CTNNAL1: variants seen among roughly 807,000 people sequenced by gnomAD.
CTNNAL1 encodes catenin alpha like 1.
CTNNAL1 carries 69 observed loss-of-function variants against 93.6 expected under a neutral mutation model. That is an observed-to-expected ratio of 0.74 (90% CI 0.61 to 0.90). CTNNAL1 has a LOEUF of 0.90. Ranked by LOEUF, CTNNAL1 falls within the 40% of genes least tolerant of loss-of-function variation. CTNNAL1 has a pLI of 0.00. For synonymous variants in CTNNAL1, 286 were observed against 305.4 expected, an observed-to-expected ratio of 0.94 and a Z score of 0.66; for missense variants, 836 against 862.0, an observed-to-expected ratio of 0.97 and a Z score of 0.38.
intron 1 of CTNNAL1, among the ~76,000 whole-genome samples, chr9:109,008,227 G>A (rs963263566): frequency 4.9e-5 from 7 of 143,060 alleles, no homozygotes; most frequent in African/African-American, 1.3e-4. Context: ...GCACAATCTC[G>A]GCTCACTGCA....
In CTNNAL1 at chr9:108,970,424, G is replaced by A. The variant is rs766103550; in HGVS notation, c.1418C>T (p.Thr473Ile). 2.5e-6 allele frequency: 4 copies of A among 1,612,278 alleles called. No homozygotes were observed. The South Asian group carries it at 4.4e-5, about 18-fold the overall frequency. Residue 473 changes from threonine (T) to isoleucine (I), a missense_variant, in exon 10 of 19, where the codon ACA (threonine) becomes ATA (isoleucine). By Grantham distance (89) the Thr-to-Ile change is moderately conservative. Coordinates refer to ENST00000325551, the MANE Select transcript of CTNNAL1 (RefSeq NM_003798.4). Reference sequence around the variant, plus strand: ...TACCTGTTGGCCAGTCACCTGAAATGTCTCCTCTGCATGTATACAGGTTAT... The same window carrying A: ...TACCTGTTGGCCAGTCACCTGAAATATCTCCTCTGCATGTATACAGGTTAT... ...LEITCIHAEE[T>I]FQVTGQQIIS... is the part of the protein sequence containing the mutation.
intron 1 of CTNNAL1, among the ~76,000 whole-genome samples, chr9:109,008,568 A>G (rs1485849031): frequency 6.6e-6 from 1 of 152,194 alleles, no homozygotes; most frequent in Non-Finnish European, 1.5e-5. Context: ...AACCATTTTC[A>G]AAATGGTTGT....
rs1161859163 is a variant in CTNNAL1 at position 108,952,279 on chromosome 9, G to A, written c.1765C>T (p.Gln589Ter). ...ADCEIEKWED[Q>*]ENEIVQYGRN... Reference sequence around the variant, plus strand: ...CCATATTGAACAATCTCATTCTCCTGATCTTCCCACTTCTCAATTTCGCAG... The same window carrying A: ...CCATATTGAACAATCTCATTCTCCTAATCTTCCCACTTCTCAATTTCGCAG... The change falls in exon 14 of 19, where the codon CAG becomes TAG. Residue 589 changes from glutamine (Q) to a stop codon, truncating the protein, a stop_gained. Coordinates refer to ENST00000325551, the MANE Select transcript of CTNNAL1 (RefSeq NM_003798.4). LOFTEE classifies it high-confidence loss of function. 6.2e-7 allele frequency: 1 copy of A among 1,614,170 alleles called. No individual in the cohort carries two copies. The highest frequency in any genetic ancestry group is 1.1e-5 in the South Asian group (1 of 91,088).
chr9:109,013,154 G>A (rs1827260578), intron 1 of CTNNAL1, 148 bp downstream of exon 1: 2 of 1,026,446 alleles, frequency 1.9e-6, no homozygotes, highest in East Asian at 3.3e-5. Flanking sequence ...CCGTCCCGGA[G>A]CCCCACACAG....
intron 4 of CTNNAL1, among the ~76,000 whole-genome samples, chr9:108,989,378 G>A (rs1347121785): frequency 1.3e-5 from 2 of 151,930 alleles, no homozygotes; most frequent in African/African-American, 4.8e-5. Context: ...AGAAAGAGAA[G>A]GAAAAGAAAG....
At chr9:109,003,199 A>C (rs1395724056) in intron 1 of CTNNAL1, among the ~76,000 whole-genome samples, 1 of 152,194 alleles carries the variant, frequency 6.6e-6, no homozygotes. Context: ...AAGCCTAAAG[A>C]TATTATTCCT....
chr9:108,954,904 T>G (rs1164994731), intron 12 of CTNNAL1, among the ~76,000 whole-genome samples: 1 of 152,216 alleles, frequency 6.6e-6, no homozygotes, highest in East Asian at 1.9e-4. Context: ...AAGTTCTCTC[T>G]TCTGATACTC....
At chr9:108,944,796 G>C (rs1205549854) in intron 15 of CTNNAL1, among the ~76,000 whole-genome samples, 1 of 152,106 alleles carries the variant, frequency 6.6e-6, no homozygotes, top group Admixed American at 6.6e-5. Flanking sequence ...ATAAATTAAA[G>C]AATACTAAGA....
chr9:108,976,684 C>A (rs1357728971), intron 8 of CTNNAL1, among the ~76,000 whole-genome samples: 1 of 152,046 alleles, frequency 6.6e-6, no homozygotes, highest in Non-Finnish European at 1.5e-5. Context: ...GTGCTAACCA[C>A]CACACCTGGC....
At chr9:108,979,180 C>T in intron 7 of CTNNAL1, 101 bp downstream of exon 7, 1 of 1,442,906 alleles carries the variant, frequency 6.9e-7, no homozygotes. Context: ...CATTCTGGAA[C>T]AAATTCATAC....
intron 11 of CTNNAL1, among the ~76,000 whole-genome samples, chr9:108,956,371 A>G (rs2132103010): frequency 6.6e-6 from 1 of 152,358 alleles, no homozygotes; most frequent in South Asian, 2.1e-4. Flanking sequence ...CATGATAACG[A>G]GGAAAGGAAG....
At chr9:108,980,438 T>C (rs1039708937) in intron 6 of CTNNAL1, among the ~76,000 whole-genome samples, 40 of 152,234 alleles carry the variant, frequency 2.6e-4, no homozygotes, top group African/African-American at 9.2e-4. Flanking sequence ...ATAATAAGGA[T>C]ACCTTACATT....
At chr9:108,972,865 A>ACCCT in intron 8 of CTNNAL1, 32 bp from the exon 9 acceptor site, 2 of 219,280 alleles carry the variant, frequency 9.1e-6, no homozygotes, top group Non-Finnish European at 6.2e-6. Flanking sequence ...GGGGGGTGGG[A>ACCCT]GGGTGGAGAA....
intron 6 of CTNNAL1, among the ~76,000 whole-genome samples, chr9:108,981,782 G>A (rs1000590947): frequency 2.6e-5 from 4 of 152,046 alleles, no homozygotes; most frequent in Non-Finnish European, 4.4e-5. Flanking sequence ...AAAATTAGCC[G>A]GCTGTGGTGG....
rs1358009613 is a variant in CTNNAL1 at position 109,007,395 on chromosome 9, T to A, written c.141+5907A>T. 2.0e-5 allele frequency among the ~76,000 whole-genome samples: 3 copies of A among 152,198 alleles called. No homozygotes were observed. The East Asian group carries it at 5.8e-4, about 29-fold the overall frequency. On this transcript the variant is annotated intron_variant, in intron 1 of 18. Coordinates refer to ENST00000325551, the MANE Select transcript of CTNNAL1 (RefSeq NM_003798.4). ...TGCAGAGAGTAATGGGAAAATGAGGTAGGCTACCTTAGAAATTTAAGGGGT... is the reference window on the plus strand; with the variant it reads ...TGCAGAGAGTAATGGGAAAATGAGGAAGGCTACCTTAGAAATTTAAGGGGT...
chr9:108,984,818 T>C (rs759808288), intron 4 of CTNNAL1, among the ~76,000 whole-genome samples: 1 of 152,224 alleles, frequency 6.6e-6, no homozygotes. Flanking sequence ...TGAGCATCTA[T>C]TGACTATTAT....
intron 1 of CTNNAL1, among the ~76,000 whole-genome samples, chr9:109,008,152 C>CT (rs149753320): frequency 0.09 from 7,718 of 85,372 alleles, 581 homozygotes; most frequent in Non-Finnish European, 0.13. Flanking sequence ...ATCCATCTTT[C>CT]TTTTTTTTTT....
intron 4 of CTNNAL1, among the ~76,000 whole-genome samples, chr9:108,990,419 A>C (rs1489893292): frequency 6.6e-6 from 1 of 152,250 alleles, no homozygotes; most frequent in Non-Finnish European, 1.5e-5. Context: ...TAGAGGAATC[A>C]AATGGAAAGC....
At chr9:108,949,752 G>A (rs1830503565) in intron 14 of CTNNAL1, among the ~76,000 whole-genome samples, 1 of 152,172 alleles carries the variant, frequency 6.6e-6, no homozygotes, top group Non-Finnish European at 1.5e-5. Flanking sequence ...GCTGAGGCAG[G>A]AGAATCACCT....
Sources: allele counts gnomAD v4.1 joint callset (sites outside exome capture counted in the v4.1 genomes callset), GRCh38; gene constraint gnomAD v4.1.1; transcripts MANE v1.5; gene names NCBI Gene and HGNC (gene_info 2026-07-23, HGNC 2026-07-21).